The following COL11A1 variants were observed in gnomAD, a reference collection of about 807,000 sequenced individuals.
COL11A1 encodes collagen alpha-1(XI) chain.
A neutral mutation model predicts 265.2 loss-of-function variants in COL11A1; 74 were observed. The observed-to-expected ratio is 0.28, with a 90% CI of 0.23 to 0.34. COL11A1 has a LOEUF of 0.34. Ranked by LOEUF, COL11A1 falls within the 10% of genes least tolerant of loss-of-function variation. The pLI, the probability that COL11A1 is intolerant of heterozygous loss-of-function variation, is 1.00. For missense variants in COL11A1, 2,165 were observed against 2,263.6 expected (o/e 0.96, Z 0.88); for synonymous variants, 816 against 727.6 (o/e 1.12, Z -1.96).
At chr1:102,885,157 G>A (rs773438947) in intron 63 of COL11A1, among the ~76,000 whole-genome samples, 4 of 152,068 alleles carry the variant, frequency 2.6e-5, no homozygotes, top group Non-Finnish European at 4.4e-5. Context: ...TCGAACCTAA[G>A]CATAAAATCA....
Position 102,970,212 on chromosome 1 carries a change from C to G in COL11A1, c.2862+7G>C, listed in dbSNP as rs1325483825. On this transcript the variant is annotated splice_region_variant and intron_variant, in intron 37 of 66. Coordinates refer to ENST00000370096, the MANE Select transcript of COL11A1 (RefSeq NM_001854.4). Reference sequence around the variant, plus strand: ...AAATTTTTAATAAGAGTAACAAGGTCACTTACAGTCTCCCCACGTTGCCCA... The same window carrying G: ...AAATTTTTAATAAGAGTAACAAGGTGACTTACAGTCTCCCCACGTTGCCCA... 6.2e-7 allele frequency: 1 copy of G among 1,611,842 alleles called. No individual in the cohort carries two copies. The highest frequency in any genetic ancestry group is 8.5e-7 in the Non-Finnish European group (1 of 1,178,492).
At chr1:103,036,801 G>C (rs115732270) in intron 4 of COL11A1, among the ~76,000 whole-genome samples, 109 of 152,076 alleles carry the variant, frequency 7.2e-4, no homozygotes, top group Admixed American at 1.2e-3. Flanking sequence ...AGCATACAAG[G>C]CATCCTCCTC....
chr1:102,914,268 T>C (rs1050320161), intron 52 of COL11A1, 84 bp downstream of exon 52: 43 of 1,066,162 alleles, frequency 4.0e-5, no homozygotes, highest in Non-Finnish European at 5.8e-5. Flanking sequence ...ACTTAGGTTA[T>C]TAGATTTTTT....
chr1:102,939,847 T>C (rs1277840897), intron 43 of COL11A1, among the ~76,000 whole-genome samples: 3 of 152,114 alleles, frequency 2.0e-5, no homozygotes, highest in East Asian at 3.8e-4. Context: ...TAATGATGTA[T>C]TCAATTGAAA....
intron 4 of COL11A1, among the ~76,000 whole-genome samples, chr1:103,040,034 C>G (rs1212710108): frequency 6.6e-6 from 1 of 151,884 alleles, no homozygotes; most frequent in Non-Finnish European, 1.5e-5. Flanking sequence ...ATCATTCCAA[C>G]TACAAATAAA....
At chr1:102,970,189 A>C in intron 37 of COL11A1, 30 bp downstream of exon 37, 1 of 1,602,504 alleles carries the variant, frequency 6.2e-7, no homozygotes, top group Non-Finnish European at 8.5e-7. Flanking sequence ...AGAGATGGAA[A>C]TTTTTAATAA....
chr1:103,094,380 G>A (rs1458021217), intron 1 of COL11A1, among the ~76,000 whole-genome samples: 1 of 152,106 alleles, frequency 6.6e-6, no homozygotes, highest in African/African-American at 2.4e-5. Context: ...TTATCACATA[G>A]ACCCTTCTAT....
At chr1:102,934,414 A>G in intron 46 of COL11A1, 35 bp downstream of exon 46, 1 of 1,465,690 alleles carries the variant, frequency 6.8e-7, no homozygotes, top group Non-Finnish European at 9.6e-7. Flanking sequence ...AAGTAGGTAG[A>G]AATGATGGAG....
At position 103,025,800 on chromosome 1, in the gene COL11A1, C is replaced by A. The variant is rs768645535; in HGVS notation, c.898-187G>T. ...ATCTTGATTGCTTTTTCTTCGCTAC[C>A]TTTACCCCTAGTTTGGCTTTTGCTG... On this transcript the variant is annotated intron_variant, in intron 6 of 66. Coordinates refer to ENST00000370096, the MANE Select transcript of COL11A1 (RefSeq NM_001854.4). The A allele has an allele frequency of 6.2e-7, 1 of 1,613,026 alleles. No individual in the cohort carries two copies. Among genetic ancestry groups the A allele is most frequent in the Non-Finnish European group, 8.5e-7 (1 of 1,179,934 alleles).
chr1:102,991,015 A>C (rs1476581886), intron 28 of COL11A1, among the ~76,000 whole-genome samples: 2 of 152,144 alleles, frequency 1.3e-5, no homozygotes, highest in Non-Finnish European at 2.9e-5. Context: ...GCTTGGCAAC[A>C]GAGGGAGACT....
At chr1:102,959,876 A>G (rs1570869982) in intron 41 of COL11A1, among the ~76,000 whole-genome samples, 2 of 152,326 alleles carry the variant, frequency 1.3e-5, no homozygotes, top group East Asian at 3.9e-4. Context: ...AAAACAATTT[A>G]ATCCTTATAG....
At chr1:103,075,356 C>G (rs764715505) in intron 3 of COL11A1, among the ~76,000 whole-genome samples, 1 of 152,092 alleles carries the variant, frequency 6.6e-6, no homozygotes, top group Admixed American at 6.5e-5. Flanking sequence ...ACTTTAATTT[C>G]AAGACAGTTA....
rs1666526253 is a variant in COL11A1 at position 103,015,883 on chromosome 1, T to A, written c.1414-141A>T. The stretch of plus-strand genomic sequence containing the variant: ...TTATTTAGTCTGTTTTTAGTAAGTA[T>A]ACCTAGACAGAATTCTATTCTGTTG... On this transcript the variant is annotated intron_variant, in intron 11 of 66. Coordinates refer to ENST00000370096, the MANE Select transcript of COL11A1 (RefSeq NM_001854.4). 6 of 572,124 alleles carry A rather than the reference T, an allele frequency of 1.0e-5. No individual in the cohort carries two copies. In the South Asian group the frequency reaches 1.4e-4, roughly 13 times the overall value. The allele number at this position is 572,124 out of a possible 1,614,324, so 35.4% of individuals were successfully genotyped here.
chr1:102,944,642 T>C (rs1277729414), intron 42 of COL11A1, among the ~76,000 whole-genome samples: 1 of 152,146 alleles, frequency 6.6e-6, no homozygotes. Context: ...TTCTTATCGG[T>C]TTCAATGTTT....
intron 4 of COL11A1, among the ~76,000 whole-genome samples, chr1:103,052,870 A>G (rs1669940191): frequency 6.6e-6 from 1 of 152,210 alleles, no homozygotes; most frequent in Non-Finnish European, 1.5e-5. Flanking sequence ...CTCAAGAAAT[A>G]CGTAGTCCAA....
intron 9 of COL11A1, among the ~76,000 whole-genome samples, chr1:103,019,421 A>G (rs972341064): frequency 3.9e-5 from 6 of 152,106 alleles, no homozygotes; most frequent in Non-Finnish European, 5.9e-5. Flanking sequence ...CCATCTTTGG[A>G]CTGCTGAAAA....
chr1:102,974,908 A>T (rs1452501843), intron 35 of COL11A1, 25 bp from the exon 36 acceptor site: 1 of 1,591,946 alleles, frequency 6.3e-7, no homozygotes, highest in South Asian at 1.1e-5. Flanking sequence ...CAGTGGGGAG[A>T]AGTTAACAAT....
intron 44 of COL11A1, among the ~76,000 whole-genome samples, chr1:102,938,669 C>T (rs1658401685): frequency 6.6e-6 from 1 of 151,982 alleles, no homozygotes; most frequent in African/African-American, 2.4e-5. Context: ...GTATTTATAA[C>T]ATATGGGAAT....
chr1:103,031,413 C>T (rs1488393202), intron 4 of COL11A1, among the ~76,000 whole-genome samples, 169 bp from the exon 5 acceptor site: 1 of 152,052 alleles, frequency 6.6e-6, no homozygotes, highest in Non-Finnish European at 1.5e-5. Context: ...AGAGAAACAC[C>T]TATTTTACAA....
Sources: gnomAD v4.1 joint callset for allele counts (sites outside exome capture counted in the v4.1 genomes callset) on GRCh38, gnomAD v4.1.1 for gene constraint, MANE v1.5 for transcripts, NCBI Gene and HGNC (gene_info 2026-07-23, HGNC 2026-07-21) for gene names.